RNF6: variants seen among roughly 807,000 people sequenced by gnomAD.
RNF6 encodes the protein E3 ubiquitin-protein ligase RNF6.
Under a neutral mutation model 50.1 loss-of-function variants are expected in RNF6, and 21 were observed. That is an observed-to-expected ratio of 0.42 (90% CI 0.30 to 0.60). RNF6 has a LOEUF of 0.60. Among genes scored for constraint, RNF6 ranks in the 20% least tolerant of loss-of-function variants. RNF6 has a pLI of 0.20. For synonymous variants in RNF6, 255 were observed against 291.8 expected (o/e 0.87, Z 1.29); for missense variants, 698 against 838.2 (o/e 0.83, Z 2.07).
At chr13:26,188,121 T>C (rs1873644116) in intron 5 of RNF6, among the ~76,000 whole-genome samples, 1 of 152,174 alleles carries the variant, frequency 6.6e-6, no homozygotes. Flanking sequence ...CAGGCTGCCA[T>C]CCAGACCATC....
At chr13:26,138,426 A>C (rs1007682643) in intron 5 of RNF6, among the ~76,000 whole-genome samples, 26 of 152,174 alleles carry the variant, frequency 1.7e-4, no homozygotes, top group African/African-American at 5.5e-4. Flanking sequence ...AAGAATATTC[A>C]TTAAGACAAC....
intron 5 of RNF6, among the ~76,000 whole-genome samples, chr13:26,187,974 G>C (rs1409882362): frequency 6.6e-6 from 1 of 152,238 alleles, no homozygotes; most frequent in Non-Finnish European, 1.5e-5. Flanking sequence ...AAGTCAACAA[G>C]TGATCTAAAA....
chr13:26,174,513 G>A (rs1380845280), intron 5 of RNF6, among the ~76,000 whole-genome samples: 1 of 149,718 alleles, frequency 6.7e-6, no homozygotes, highest in East Asian at 1.9e-4. Flanking sequence ...AAAATTAGCT[G>A]AGCGTGGTGG....
chr13:26,193,613 G>A (rs751687889), intron 5 of RNF6, among the ~76,000 whole-genome samples: 2 of 152,226 alleles, frequency 1.3e-5, no homozygotes, highest in African/African-American at 4.8e-5. Context: ...CTTCCAAGGA[G>A]TTTTGCAGTG....
chr13:26,213,684 A>G lies in RNF6; in HGVS notation c.*140T>C, dbSNP rs1254568141. On this transcript the variant is annotated 3_prime_UTR_variant, in exon 5 of 5. Transcript: ENST00000381588. ...TATAAATTTCTTTTTAACAAGTTTA[A>G]AAAAGCACACGAAAAATAGTTCAAA... The G allele has an allele frequency of 3.7e-6, 2 of 546,532 alleles. No individual in the cohort carries two copies. The highest frequency in any genetic ancestry group is 3.9e-5 in the African/African-American group (2 of 51,336). The allele number at this position is 546,532 out of a possible 1,614,324, so 33.9% of individuals were successfully genotyped here. A position where few individuals can be genotyped will look rare whatever the true frequency, so the allele number is the denominator to read the frequency against.
At chr13:26,179,723 C>A (rs1873142501) in intron 5 of RNF6, among the ~76,000 whole-genome samples, 1 of 152,124 alleles carries the variant, frequency 6.6e-6, no homozygotes, top group Non-Finnish European at 1.5e-5. Flanking sequence ...CCTCACACAC[C>A]CAGCGACCTC....
At chr13:26,217,424 A>G (rs1870000909) in intron 4 of RNF6, among the ~76,000 whole-genome samples, 1 of 152,226 alleles carries the variant, frequency 6.6e-6, no homozygotes, top group Non-Finnish European at 1.5e-5. Context: ...TTGTAAAAGC[A>G]TCGGAAATTG....
At chr13:26,164,252 T>G (rs1242089936) in intron 5 of RNF6, among the ~76,000 whole-genome samples, 3 of 152,214 alleles carry the variant, frequency 2.0e-5, no homozygotes, top group African/African-American at 7.2e-5. Flanking sequence ...CATTATTTCT[T>G]TGAAAACTGT....
intron 5 of RNF6, among the ~76,000 whole-genome samples, chr13:26,177,938 C>A (rs1359718333): frequency 3.3e-5 from 5 of 152,314 alleles, no homozygotes; most frequent in Admixed American, 1.3e-4. Context: ...GTAATCCCAG[C>A]ACTTTGGGAG....
chr13:26,163,093 G>C (rs1042705071), intron 5 of RNF6, among the ~76,000 whole-genome samples: 6 of 151,972 alleles, frequency 3.9e-5, no homozygotes, highest in African/African-American at 1.5e-4. Flanking sequence ...GGTGGATCAC[G>C]AGGTCAGGAG....
intron 5 of RNF6, chr13:26,132,499 T>C (rs377446545): frequency 2.2e-5 from 10 of 453,160 alleles, no homozygotes; most frequent in Non-Finnish European, 4.4e-5. Context: ...AAGTTTAATG[T>C]ACTATGTTTA....
chr13:26,189,762 T>C (rs1312988085), intron 5 of RNF6, among the ~76,000 whole-genome samples: 1 of 152,196 alleles, frequency 6.6e-6, no homozygotes, highest in Non-Finnish European at 1.5e-5. Flanking sequence ...ATAAACCACT[T>C]CCATGTTTGT....
At chr13:26,180,572 T>A (rs1411870558) in intron 5 of RNF6, among the ~76,000 whole-genome samples, 1 of 152,210 alleles carries the variant, frequency 6.6e-6, no homozygotes, top group Non-Finnish European at 1.5e-5. Flanking sequence ...AGCCATGAGT[T>A]AAGTAGCAGG....
chr13:26,174,358 A>C (rs1187005098), intron 5 of RNF6, among the ~76,000 whole-genome samples: 1 of 152,148 alleles, frequency 6.6e-6, no homozygotes, highest in Admixed American at 6.5e-5. Flanking sequence ...AAGGGACAGC[A>C]AACTGAAATA....
At chr13:26,136,685 C>A (rs971521566) in intron 5 of RNF6, among the ~76,000 whole-genome samples, 4 of 152,124 alleles carry the variant, frequency 2.6e-5, no homozygotes, top group Non-Finnish European at 5.9e-5. Context: ...GTAAAACAAT[C>A]TGTATTAATT....
At chr13:26,171,113 G>A (rs1199661533) in intron 5 of RNF6, among the ~76,000 whole-genome samples, 2 of 152,102 alleles carry the variant, frequency 1.3e-5, no homozygotes, top group African/African-American at 4.8e-5. Flanking sequence ...CAAGAAAATG[G>A]AAAGACAACA....
At chr13:26,180,825 T>A (rs1305846689) in intron 5 of RNF6, among the ~76,000 whole-genome samples, 1 of 152,246 alleles carries the variant, frequency 6.6e-6, no homozygotes. Flanking sequence ...CACCACCTGC[T>A]GCCACTGCTG....
At chr13:26,185,164 T>G (rs764450671) in intron 5 of RNF6, among the ~76,000 whole-genome samples, 1 of 151,998 alleles carries the variant, frequency 6.6e-6, no homozygotes, top group Middle Eastern at 3.2e-3. Context: ...GCCCGGCTAA[T>G]TTTTTCAAAT....
intron 5 of RNF6, among the ~76,000 whole-genome samples, chr13:26,163,125 A>T (rs1593158681): frequency 6.6e-6 from 1 of 151,656 alleles, no homozygotes; most frequent in African/African-American, 2.4e-5. Flanking sequence ...CCTGGTTAAC[A>T]CGGTGAAACC....
Sources: allele counts gnomAD v4.1 joint callset (sites outside exome capture counted in the v4.1 genomes callset), GRCh38; gene constraint gnomAD v4.1.1; transcripts MANE v1.5; gene names NCBI Gene and HGNC (gene_info 2026-07-23, HGNC 2026-07-21).